Variants in GRID2IP observed in about 807,000 individuals in gnomAD.
The protein encoded by GRID2IP is Grid2 interacting protein.
A neutral mutation model predicts 114.3 loss-of-function variants in GRID2IP; 78 were observed. The ratio of observed to expected loss-of-function variants is 0.68; its 90% CI spans 0.57 to 0.82. GRID2IP has a LOEUF of 0.82. GRID2IP is among the 40% of genes least tolerant of loss of function. GRID2IP has a pLI of 0.00. For missense variants in GRID2IP, 1,727 were observed against 1,678.5 expected, an observed-to-expected ratio of 1.03 and a Z score of -0.51; for synonymous variants, 809 against 724.0, an observed-to-expected ratio of 1.12 and a Z score of -1.89.
At chr7:6,535,336 A>G (rs972229849) in intron 2 of GRID2IP, among the ~76,000 whole-genome samples, 1 of 152,242 alleles carries the variant, frequency 6.6e-6, no homozygotes, top group African/African-American at 2.4e-5. Flanking sequence ...AGCCACATTT[A>G]ACTTTAAATA....
chr7:6,503,380 T>C, intron 16 of GRID2IP, 111 bp downstream of exon 16: 1 of 1,151,922 alleles, frequency 8.7e-7, no homozygotes, highest in South Asian at 1.6e-5. Flanking sequence ...ACTCAGAGGC[T>C]TGGGCGCAAT....
rs764986373 is a variant in GRID2IP, at chr7:6,511,008, G to A, written c.1455C>T (p.Ser485=). ...AEPEPELDLE[S]EPTPEPQPRS... ...GCGGCTGGGGCTCAGGCGTGGGCTC[G>A]GACTCCAGGTCCAGCTCAGGCTCCG... Residue 485 remains serine (S), a synonymous_variant, in exon 9 of 22, where the codon TCC becomes TCT. Coordinates refer to ENST00000457091, the MANE Select transcript of GRID2IP (RefSeq NM_001145118.2). The A allele has an allele frequency of 3.4e-5, 51 of 1,507,732 alleles. 1 individual carries two copies. Among genetic ancestry groups the A allele is most frequent in the South Asian group, 2.1e-4 (17 of 80,520 alleles). 93.4% of individuals were successfully genotyped at this position (1,507,732 alleles called of 1,614,324 possible). A position where few individuals can be genotyped will look rare whatever the true frequency, so the allele number is the denominator to read the frequency against.
intron 20 of GRID2IP, 124 bp downstream of exon 20, chr7:6,501,657 A>G (rs1019386274): frequency 8.3e-6 from 6 of 727,272 alleles, no homozygotes; most frequent in Non-Finnish European, 1.5e-5. Flanking sequence ...CTGGGTGCAC[A>G]GCAACCTGTG....
At position 6,508,875 on chromosome 7, in the gene GRID2IP, G is replaced by A; in HGVS notation, c.2127+83C>T. On this transcript the variant is annotated intron_variant, in intron 12 of 21. Transcript: ENST00000457091. The surrounding 1 kb of genome is among the most constrained non-coding windows in gnomAD (Gnocchi z 5.6). Reference sequence around the variant, plus strand: ...AGATCCCAAGGGCAGCAGGCCCCTTGCGGGAGCCCAGGAACACTGTTGCCT... The same window carrying A: ...AGATCCCAAGGGCAGCAGGCCCCTTACGGGAGCCCAGGAACACTGTTGCCT... The A allele has an allele frequency of 1.3e-6, 2 of 1,481,578 alleles. No individual in the cohort carries two copies. Among genetic ancestry groups the A allele is most frequent in the Non-Finnish European group, 1.8e-6 (2 of 1,118,358 alleles). 91.8% of individuals were successfully genotyped at this position (1,481,578 alleles called of 1,614,324 possible).
At chr7:6,505,747 G>A (rs1403893681) in intron 14 of GRID2IP, 73 bp downstream of exon 14, 10 of 928,770 alleles carry the variant, frequency 1.1e-5, no homozygotes, top group Non-Finnish European at 1.5e-5. Flanking sequence ...TGCAGCCCTG[G>A]GAGATGCTAA....
chr7:6,502,943 T>G (rs1786458134), intron 17 of GRID2IP, 65 bp downstream of exon 17: 1 of 1,546,270 alleles, frequency 6.5e-7, no homozygotes, highest in South Asian at 1.2e-5. Context: ...TGGATGGGCC[T>G]CCAGGCTGGA....
chr7:6,534,995 C>T lies in GRID2IP; in HGVS notation c.584+4723G>A, dbSNP rs1779699800. The stretch of plus-strand genomic sequence containing the variant: ...CCGCCTCCCAGGTTCAAGCGATGCT[C>T]CTGCCTCAGCCTCCCGAGTAGCTGG... On this transcript the variant is annotated intron_variant, in intron 2 of 21. Transcript: ENST00000457091. The surrounding 1 kb of genome is among the most constrained non-coding windows in gnomAD (Gnocchi z 4.5). Among the ~76,000 whole-genome samples, 1 of 152,252 alleles carries T rather than the reference C, an allele frequency of 6.6e-6. No individual in the cohort carries two copies.
intron 2 of GRID2IP, among the ~76,000 whole-genome samples, chr7:6,535,524 G>A (rs1051241272): frequency 2.6e-5 from 4 of 152,034 alleles, no homozygotes; most frequent in Non-Finnish European, 5.9e-5. Flanking sequence ...ACACACACGT[G>A]TATATTTTTT....
intron 2 of GRID2IP, among the ~76,000 whole-genome samples, chr7:6,535,289 T>TA (rs1191270211): frequency 6.6e-6 from 1 of 151,346 alleles, no homozygotes; most frequent in South Asian, 2.1e-4. Flanking sequence ...CTCGGCCTCC[T>TA]AAAGTGCTGG....
At position 6,509,313 on chromosome 7, in the gene GRID2IP, C is replaced by A; in HGVS notation, c.1772G>T (p.Gly591Val). 1 of 1,495,462 alleles carries A rather than the reference C, an allele frequency of 6.7e-7. No individual in the cohort carries two copies. Among genetic ancestry groups the A allele is most frequent in the South Asian group, 1.3e-5 (1 of 74,498 alleles). The allele number at this position is 1,495,462 out of a possible 1,614,324, so 92.6% of individuals were successfully genotyped here. The part of the protein sequence containing the change: ...PPGPSPAVTT[G>V]PRTLSGVSWP... ...TGAGACGCCGGACAGGGTCCTGGGC[C>A]CTGGAGGAGGGATGGAGTATGAGGA... The change falls in exon 12 of 22, where the codon GGG becomes GTG. Residue 591 changes from glycine to valine, a missense_variant and splice_region_variant. Coordinates refer to ENST00000457091, the MANE Select transcript of GRID2IP (RefSeq NM_001145118.2). This position sits in a 1 kb window ranked among gnomAD's most constrained non-coding sequence, Gnocchi z 4.9.
At chr7:6,525,047 G>A (rs931093196) in intron 4 of GRID2IP, among the ~76,000 whole-genome samples, 1 of 152,054 alleles carries the variant, frequency 6.6e-6, no homozygotes, top group Non-Finnish European at 1.5e-5. Flanking sequence ...GCTCTTGCCT[G>A]TAATTCCAGA....
At chr7:6,504,388 T>G (rs1583333278) in intron 15 of GRID2IP, among the ~76,000 whole-genome samples, 3 of 99,964 alleles carry the variant, frequency 3.0e-5, no homozygotes, top group Admixed American at 2.1e-4. Flanking sequence ...CTGCGAGGGG[T>G]GCCGTAGGGG....
In GRID2IP at chr7:6,503,791, G is replaced by A. The variant is rs1056666479; in HGVS notation, c.2711-104C>T. ...GAGGCGGGGAGAGGGCGGACACGGGGCGGGGCCTAGGGGAGAGGACGGGGC... is the reference window on the plus strand; with the variant it reads ...GAGGCGGGGAGAGGGCGGACACGGGACGGGGCCTAGGGGAGAGGACGGGGC... On this transcript the variant is annotated intron_variant, in intron 15 of 21. Coordinates refer to ENST00000457091, the MANE Select transcript of GRID2IP (RefSeq NM_001145118.2). The A allele has an allele frequency of 5.0e-6, 4 of 805,372 alleles. No individual in the cohort carries two copies. In the African/African-American group the frequency reaches 5.5e-5, roughly 11 times the overall value. The allele number at this position is 805,372 out of a possible 1,614,324, so 49.9% of individuals were successfully genotyped here. A position where few individuals can be genotyped will look rare whatever the true frequency, so the allele number is the denominator to read the frequency against.
In GRID2IP at chr7:6,526,134, T is replaced by G; in HGVS notation, c.919+90A>C. Reference sequence around the variant, plus strand: ...AGGGGTTGCTGAGCAGGAGCCTACATGGGGTACAATGACCCGGCAGAGCCA... The same window carrying G: ...AGGGGTTGCTGAGCAGGAGCCTACAGGGGGTACAATGACCCGGCAGAGCCA... On this transcript the variant is annotated intron_variant, in intron 4 of 21. Coordinates refer to ENST00000457091, the MANE Select transcript of GRID2IP (RefSeq NM_001145118.2). This position sits in a 1 kb window ranked among gnomAD's most constrained non-coding sequence, Gnocchi z 7.6. The G allele has an allele frequency of 1.0e-6, 1 of 980,448 alleles. No individual in the cohort carries two copies. The highest frequency in any genetic ancestry group is 1.6e-6 in the Non-Finnish European group (1 of 631,266). The allele number at this position is 980,448 out of a possible 1,614,324, so 60.7% of individuals were successfully genotyped here. A position where few individuals can be genotyped will look rare whatever the true frequency, so the allele number is the denominator to read the frequency against.
At chr7:6,533,674 C>CTTT (rs1179952257) in intron 2 of GRID2IP, among the ~76,000 whole-genome samples, 1,616 of 135,494 alleles carry the variant, frequency 0.012, 34 homozygotes, top group African/African-American at 0.042. Context: ...CATTTTTAAA[C>CTTT]TTTTTTTTTT....
intron 8 of GRID2IP, among the ~76,000 whole-genome samples, chr7:6,513,128 A>C (rs1300056674): frequency 6.6e-6 from 1 of 152,218 alleles, no homozygotes; most frequent in Non-Finnish European, 1.5e-5. Flanking sequence ...TGTGTGTGCA[A>C]GAAAGAGTAC....
chr7:6,508,126 C>T lies in GRID2IP; in HGVS notation c.2403G>A (p.Pro801=), dbSNP rs1377633799. 4.7e-5 allele frequency: 11 copies of T among 236,402 alleles called. No homozygotes were observed. Among genetic ancestry groups the T allele is most frequent in the East Asian group, 1.2e-4 (1 of 8,444 alleles). The allele number at this position is 236,402 out of a possible 1,614,324, so 14.6% of individuals were successfully genotyped here. A position where few individuals can be genotyped will look rare whatever the true frequency, so the allele number is the denominator to read the frequency against. Residue 801 remains proline, a synonymous_variant, in exon 13 of 22, where the codon CCG becomes CCA. Transcript: ENST00000457091. This position sits in a 1 kb window ranked among gnomAD's most constrained non-coding sequence, Gnocchi z 5.6. The stretch of plus-strand genomic sequence containing the variant: ...CACAGGGCACGGGTGGGGGCAGGGG[C>T]GGTGGGGGTGGTGGAGGGACTGGGT... ...LSHPVPPPPP[P]PLPPPVPCAP... is the part of the protein sequence containing the mutation.
chr7:6,549,916 C>G (rs1020222770), intron 1 of GRID2IP, among the ~76,000 whole-genome samples: 3 of 151,972 alleles, frequency 2.0e-5, no homozygotes, highest in Admixed American at 6.6e-5. Flanking sequence ...CAGGCGTGAG[C>G]CACCTCACCC....
intron 7 of GRID2IP, among the ~76,000 whole-genome samples, chr7:6,518,018 GC>G (rs1388503774): frequency 6.6e-6 from 1 of 151,148 alleles, no homozygotes; most frequent in Non-Finnish European, 1.5e-5. Flanking sequence ...AATCTTTTGA[GC>G]CCAGGAGTTC....
Sources: gnomAD v4.1 joint callset for allele counts (sites outside exome capture counted in the v4.1 genomes callset) on GRCh38, gnomAD v4.1.1 for gene constraint, Gnocchi (gnomAD v3.1) non-coding constraint, MANE v1.5 for transcripts, NCBI Gene and HGNC (gene_info 2026-07-23, HGNC 2026-07-21) for gene names.